Variants in GMDS observed in about 807,000 individuals in gnomAD.
GMDS encodes GDP-mannose 4,6 dehydratase.
GMDS carries 20 observed loss-of-function variants against 49.9 expected under a neutral mutation model. The observed-to-expected ratio is 0.40, with a 90% CI of 0.28 to 0.58. The LOEUF is 0.58. Ranked by LOEUF, GMDS falls within the 20% of genes least tolerant of loss-of-function variation. GMDS has a pLI of 0.42. For synonymous variants in GMDS, 177 were observed against 178.6 expected (o/e 0.99, Z 0.07); for missense variants, 362 against 481.4 (o/e 0.75, Z 2.32).
intron 4 of GMDS, among the ~76,000 whole-genome samples, chr6:2,053,565 CTTA>C (rs1315390882): frequency 2.0e-5 from 3 of 151,950 alleles, no homozygotes; most frequent in South Asian, 2.1e-4. Context: ...GAAACCTACA[CTTA>C]TTAACTTTTT....
At chr6:1,871,535 A>ATG (rs1758752151) in intron 7 of GMDS, among the ~76,000 whole-genome samples, 2 of 152,212 alleles carry the variant, frequency 1.3e-5, no homozygotes, top group Non-Finnish European at 2.9e-5. Context: ...CCTTTGGTAA[A>ATG]CTGGAATTTT....
At chr6:2,082,642 A>C (rs1772781915) in intron 4 of GMDS, among the ~76,000 whole-genome samples, 1 of 152,240 alleles carries the variant, frequency 6.6e-6, no homozygotes, top group Non-Finnish European at 1.5e-5. Context: ...GTGTTTTTCA[A>C]ACTGAAAGTA....
intron 7 of GMDS, among the ~76,000 whole-genome samples, chr6:1,848,475 CCT>C (rs1181491675): frequency 2.6e-5 from 4 of 152,198 alleles, no homozygotes; most frequent in Non-Finnish European, 5.9e-5. Flanking sequence ...ACTCTCGTCA[CCT>C]CTCTTGACAT....
intron 4 of GMDS, among the ~76,000 whole-genome samples, chr6:2,069,299 A>G (rs565080319): frequency 6.6e-6 from 1 of 152,256 alleles, no homozygotes; most frequent in Non-Finnish European, 1.5e-5. Flanking sequence ...CGTTAGATCT[A>G]AAACGATAAA....
intron 3 of GMDS, 42 bp from the exon 4 acceptor site, chr6:2,115,922 C>G: frequency 9.1e-7 from 1 of 1,103,232 alleles, no homozygotes; most frequent in East Asian, 2.4e-5. Context: ...AGAAAAGCAA[C>G]ATAAGCTCAA....
At chr6:1,888,092 G>A (rs905479604) in intron 7 of GMDS, among the ~76,000 whole-genome samples, 3 of 151,530 alleles carry the variant, frequency 2.0e-5, no homozygotes, top group African/African-American at 7.3e-5. Flanking sequence ...GAGACTACAG[G>A]GATGTGCCAC....
At chr6:2,141,817 C>T (rs1359067837) in intron 1 of GMDS, among the ~76,000 whole-genome samples, 2 of 151,778 alleles carry the variant, frequency 1.3e-5, no homozygotes, top group Non-Finnish European at 2.9e-5. Flanking sequence ...AGCACGGCTG[C>T]GACCTAACGA....
chr6:2,154,863 C>CA (rs70992124), intron 1 of GMDS, among the ~76,000 whole-genome samples: 3,053 of 65,454 alleles, frequency 0.047, 129 homozygotes, highest in Non-Finnish European at 0.063. Flanking sequence ...TGAAGAGATG[C>CA]AAAAAAAAAA....
At chr6:2,068,315 A>T (rs1465190373) in intron 4 of GMDS, among the ~76,000 whole-genome samples, 2 of 150,082 alleles carry the variant, frequency 1.3e-5, no homozygotes, top group Non-Finnish European at 3.0e-5. Flanking sequence ...TATCATACTG[A>T]ATGGGCAAAA....
chr6:1,837,237 T>C (rs1475797020), intron 7 of GMDS, among the ~76,000 whole-genome samples: 1 of 152,224 alleles, frequency 6.6e-6, no homozygotes, highest in African/African-American at 2.4e-5. Flanking sequence ...ATTATAATTG[T>C]ATGTCATCAT....
At chr6:1,646,032 A>G (rs1763472188) in intron 9 of GMDS, among the ~76,000 whole-genome samples, 1 of 152,234 alleles carries the variant, frequency 6.6e-6, no homozygotes, top group Non-Finnish European at 1.5e-5. Context: ...GAATGCCTCA[A>G]GGGATGTTTA....
At chr6:2,078,318 A>G (rs1289742949) in intron 4 of GMDS, among the ~76,000 whole-genome samples, 2 of 151,158 alleles carry the variant, frequency 1.3e-5, no homozygotes, top group Non-Finnish European at 3.0e-5. Context: ...CTAATCTTGG[A>G]TTTGTTTTGT....
At chr6:2,036,759 A>C (rs1769331052) in intron 4 of GMDS, among the ~76,000 whole-genome samples, 1 of 152,210 alleles carries the variant, frequency 6.6e-6, no homozygotes, top group Non-Finnish European at 1.5e-5. Flanking sequence ...GTAAACCATA[A>C]ACAAGATAAA....
chr6:2,091,239 C>T (rs1773297034), intron 4 of GMDS, among the ~76,000 whole-genome samples: 2 of 152,196 alleles, frequency 1.3e-5, no homozygotes, highest in Admixed American at 6.5e-5. Context: ...CTGTATAATA[C>T]ATAGGCTCAT....
rs1762762863 is a variant in GMDS at position 1,623,914 on chromosome 6, A to G, written c.*255T>C. Reference sequence around the variant, plus strand: ...TTTCAAGTAAAGTGAATGTGATTAAAACATCTTGATTTCACAAAGCCATTC... The same window carrying G: ...TTTCAAGTAAAGTGAATGTGATTAAGACATCTTGATTTCACAAAGCCATTC... On this transcript the variant is annotated 3_prime_UTR_variant, in exon 11 of 11. Transcript: ENST00000380815. 1 of 483,984 alleles carries G rather than the reference A, an allele frequency of 2.1e-6. No individual in the cohort carries two copies. Among genetic ancestry groups the G allele is most frequent in the Admixed American group, 3.5e-5 (1 of 28,208 alleles). The allele number at this position is 483,984 out of a possible 1,614,324, so 30.0% of individuals were successfully genotyped here. A position where few individuals can be genotyped will look rare whatever the true frequency, so the allele number is the denominator to read the frequency against.
At chr6:2,014,933 T>C (rs1767798160) in intron 4 of GMDS, among the ~76,000 whole-genome samples, 1 of 152,132 alleles carries the variant, frequency 6.6e-6, no homozygotes, top group Admixed American at 6.6e-5. Context: ...TATATTAATC[T>C]CAGAGAGAAC....
rs143915408 is a variant in GMDS at position 2,047,836 on chromosome 6, T to C, written c.345+67935A>G. Among the ~76,000 whole-genome samples, 741 of 152,266 alleles carry C rather than the reference T, an allele frequency of 4.9e-3. 9 individuals carry two copies. Among genetic ancestry groups the C allele is most frequent in the Middle Eastern group, 0.037 (11 of 294 alleles). On this transcript the variant is annotated intron_variant, in intron 4 of 10. Transcript: ENST00000380815. Reference sequence around the variant, plus strand: ...AAAATTACATAAAGAATAAACATATTAAATATTTTTTTAAATGCACTGTCA... The same window carrying C: ...AAAATTACATAAAGAATAAACATATCAAATATTTTTTTAAATGCACTGTCA...
chr6:2,058,267 C>T (rs1770893635), intron 4 of GMDS, among the ~76,000 whole-genome samples: 1 of 151,052 alleles, frequency 6.6e-6, no homozygotes, highest in Non-Finnish European at 1.5e-5. Flanking sequence ...ATCACTTGAA[C>T]CTGGGAGGCA....
intron 9 of GMDS, among the ~76,000 whole-genome samples, chr6:1,660,130 T>C (rs998877593): frequency 6.6e-6 from 1 of 152,052 alleles, no homozygotes; most frequent in Non-Finnish European, 1.5e-5. Context: ...CTGTGTTATG[T>C]ACACCCGCAT....
Sources: allele counts gnomAD v4.1 joint callset (sites outside exome capture counted in the v4.1 genomes callset), GRCh38; gene constraint gnomAD v4.1.1; transcripts MANE v1.5; gene names NCBI Gene and HGNC (gene_info 2026-07-23, HGNC 2026-07-21).